Variants in SLCO1A2 observed in about 807,000 individuals in gnomAD.
SLCO1A2 encodes the protein solute carrier organic anion transporter family member 1A2, also known as OATP-1.
In SLCO1A2, 67 loss-of-function variants were observed where a neutral mutation model predicts 69.0. The ratio of observed to expected loss-of-function variants is 0.97; its 90% CI spans 0.80 to 1.19. The LOEUF (loss-of-function observed/expected upper bound fraction) is 1.19, where lower values mean the gene tolerates loss of function less well. Ranked by LOEUF, SLCO1A2 falls within the 50% of genes most tolerant of loss-of-function variation. The probability of loss-of-function intolerance (pLI) is 0.00; values close to 1 mark genes in which losing one functional copy is unlikely to be tolerated. For synonymous variants in SLCO1A2, 260 were observed against 265.9 expected (o/e 0.98, Z 0.22); for missense variants, 787 against 793.7 (o/e 0.99, Z 0.10).
intron 1 of SLCO1A2, among the ~76,000 whole-genome samples, chr12:21,383,781 G>A (rs1940730079): frequency 6.6e-6 from 1 of 151,978 alleles, no homozygotes; most frequent in South Asian, 2.1e-4. Context: ...GGTTATGTAT[G>A]CTCAAGTGTT....
chr12:21,401,141 A>C (rs943957572), intron 1 of SLCO1A2, among the ~76,000 whole-genome samples: 6 of 152,058 alleles, frequency 3.9e-5, no homozygotes, highest in African/African-American at 1.4e-4. Flanking sequence ...AGAAAATGAG[A>C]AAATGAAAAT....
At chr12:21,278,089 G>A (rs897374886) in intron 12 of SLCO1A2, among the ~76,000 whole-genome samples, 1 of 152,132 alleles carries the variant, frequency 6.6e-6, no homozygotes, top group African/African-American at 2.4e-5. Context: ...TTAAGTAAAC[G>A]TCAGTGGTGG....
Position 21,274,647 on chromosome 12 carries a change from A to G in SLCO1A2, c.1676-61T>C. 1.8e-6 allele frequency: 2 copies of G among 1,114,356 alleles called. 1 individual carries two copies. Among genetic ancestry groups the G allele is most frequent in the South Asian group, 2.7e-5 (2 of 74,628 alleles). The allele number at this position is 1,114,356 out of a possible 1,614,324, so 69.0% of individuals were successfully genotyped here. On this transcript the variant is annotated intron_variant, in intron 13 of 14. Transcript: ENST00000683939. ...GAATTAAGATACTTGATTTATTTGG[A>G]AATATTTCAATTTTCTTTATTTGTA...
intron 1 of SLCO1A2, among the ~76,000 whole-genome samples, chr12:21,394,079 G>A (rs950923000): frequency 1.3e-5 from 2 of 152,120 alleles, no homozygotes; most frequent in East Asian, 1.9e-4. Flanking sequence ...ATAGAGACAA[G>A]ATAAAACTAG....
At chr12:21,394,808 T>G (rs919634653) in intron 1 of SLCO1A2, 1 of 151,848 alleles carries the variant, frequency 6.6e-6, no homozygotes, top group African/African-American at 2.4e-5. Context: ...CACCTGGGAG[T>G]GGGTGGTACA....
At chr12:21,378,397 A>G (rs1485298353) in intron 1 of SLCO1A2, 10 of 1,613,984 alleles carry the variant, frequency 6.2e-6, no homozygotes, top group East Asian at 2.2e-5. Context: ...GGTTTTAAAG[A>G]GAGAGCCACT....
chr12:21,393,313 C>A (rs1261521369), intron 1 of SLCO1A2, among the ~76,000 whole-genome samples: 1 of 152,106 alleles, frequency 6.6e-6, no homozygotes, highest in Non-Finnish European at 1.5e-5. Context: ...CAAAAGCAAT[C>A]TAGGTAACAA....
intron 14 of SLCO1A2, among the ~76,000 whole-genome samples, chr12:21,273,119 G>C (rs756767064): frequency 6.6e-6 from 1 of 152,172 alleles, no homozygotes; most frequent in Non-Finnish European, 1.5e-5. Context: ...GAGACAGAGG[G>C]AGAACCCAGG....
intron 1 of SLCO1A2, among the ~76,000 whole-genome samples, chr12:21,390,095 T>C (rs1352574556): frequency 6.6e-6 from 1 of 151,940 alleles, no homozygotes; most frequent in East Asian, 1.9e-4. Context: ...CTTATAAAAA[T>C]AGATGGAATT....
intron 2 of SLCO1A2, among the ~76,000 whole-genome samples, chr12:21,333,112 T>G (rs938169649): frequency 2.0e-5 from 3 of 152,086 alleles, no homozygotes; most frequent in Non-Finnish European, 2.9e-5. Flanking sequence ...GCAAACTATT[T>G]TCACCTAGTT....
intron 4 of SLCO1A2, 97 bp from the exon 5 acceptor site, chr12:21,307,085 A>T: frequency 1.3e-6 from 1 of 758,012 alleles, no homozygotes. Context: ...CATACAACAC[A>T]ATATCCAAAT....
chr12:21,278,138 G>A (rs1321015889), intron 12 of SLCO1A2, among the ~76,000 whole-genome samples: 2 of 152,098 alleles, frequency 1.3e-5, no homozygotes, highest in Non-Finnish European at 2.9e-5. Context: ...TGGTGGTGGT[G>A]GCCATGGGGT....
At chr12:21,401,563 A>T (rs1185047082) in intron 1 of SLCO1A2, among the ~76,000 whole-genome samples, 4 of 151,864 alleles carry the variant, frequency 2.6e-5, no homozygotes, top group African/African-American at 9.7e-5. Flanking sequence ...TTTAATCATA[A>T]TTTTATTGAG....
At position 21,311,935 on chromosome 12, in the gene SLCO1A2, AAAG is replaced by A. The variant is rs538251143; in HGVS notation, c.335+2611_335+2613del. On this transcript the variant is annotated intron_variant, in intron 4 of 14. Coordinates refer to ENST00000683939, the MANE Select transcript of SLCO1A2 (RefSeq NM_001386879.1). ...CATGAGACTCCATCTCAAAAAGAAG[AAAG>A]AAGAAGGAGAGGGAGAATGAGAAGG... Among the ~76,000 whole-genome samples the A allele has an allele frequency of 2.6e-3, 398 of 151,934 alleles. 5 individuals are homozygous for A. Among genetic ancestry groups the A allele is most frequent in the African/African-American group, 9.2e-3 (379 of 41,390 alleles).
chr12:21,291,573 A>G (rs893803773), intron 12 of SLCO1A2, among the ~76,000 whole-genome samples: 2 of 152,198 alleles, frequency 1.3e-5, no homozygotes, highest in Non-Finnish European at 2.9e-5. Context: ...AGGCACAAAG[A>G]CTGGTGTAGT....
intron 2 of SLCO1A2, among the ~76,000 whole-genome samples, chr12:21,353,790 A>C (rs1481390705): frequency 6.6e-6 from 1 of 152,214 alleles, no homozygotes; most frequent in African/African-American, 2.4e-5. Flanking sequence ...AGCCAGGCTA[A>C]TGGCTATTCT....
chr12:21,275,909 T>G (rs1943738013), intron 12 of SLCO1A2, among the ~76,000 whole-genome samples: 1 of 151,766 alleles, frequency 6.6e-6, no homozygotes. Flanking sequence ...GCCACTGCAC[T>G]CCAGCCTGGG....
At chr12:21,407,900 A>G (rs1941848172) in intron 1 of SLCO1A2, among the ~76,000 whole-genome samples, 1 of 152,130 alleles carries the variant, frequency 6.6e-6, no homozygotes, top group Non-Finnish European at 1.5e-5. Context: ...CCAAATCGCT[A>G]CTGCAAAAGC....
At chr12:21,303,721 C>G (rs1228800551) in intron 6 of SLCO1A2, among the ~76,000 whole-genome samples, 2 of 152,020 alleles carry the variant, frequency 1.3e-5, no homozygotes, top group Non-Finnish European at 2.9e-5. Flanking sequence ...TCCAGGTGAC[C>G]TACATGGATT....
Sources: allele counts gnomAD v4.1 joint callset (sites outside exome capture counted in the v4.1 genomes callset), GRCh38; gene constraint gnomAD v4.1.1; transcripts MANE v1.5; gene names NCBI Gene and HGNC (gene_info 2026-07-23, HGNC 2026-07-21).